The following FTO variants were observed in gnomAD, a reference collection of about 807,000 sequenced individuals.
The protein encoded by FTO is FTO alpha-ketoglutarate dependent dioxygenase.
Under a neutral mutation model 63.9 loss-of-function variants are expected in FTO, and 47 were observed. The ratio of observed to expected loss-of-function variants is 0.74; its 90% CI spans 0.58 to 0.94. FTO has a LOEUF of 0.94. FTO is among the 40% of genes least tolerant of loss of function. The pLI is 0.00. For missense variants in FTO, 562 were observed against 618.1 expected (o/e 0.91, Z 0.96); for synonymous variants, 207 against 224.4 (o/e 0.92, Z 0.69).
chr16:53,742,048 G>A (rs2076539870), intron 1 of FTO, among the ~76,000 whole-genome samples: 1 of 152,116 alleles, frequency 6.6e-6, no homozygotes, highest in African/African-American at 2.4e-5. Context: ...GGGAGAGTGG[G>A]GGGTAGGTTA....
At chr16:53,810,023 G>T (rs948056269) in intron 1 of FTO, 117 bp from the exon 2 acceptor site, 5 of 668,298 alleles carry the variant, frequency 7.5e-6, no homozygotes, top group Non-Finnish European at 1.1e-5. Context: ...ATCTCTAAAA[G>T]ATTATAAATT....
At chr16:53,921,726 G>A (rs964153300) in intron 7 of FTO, among the ~76,000 whole-genome samples, 1 of 152,084 alleles carries the variant, frequency 6.6e-6, no homozygotes, top group South Asian at 2.1e-4. Flanking sequence ...CTAGATTCAG[G>A]TAGTATTGCT....
intron 1 of FTO, among the ~76,000 whole-genome samples, chr16:53,740,907 A>G (rs1468000209): frequency 6.6e-6 from 1 of 152,256 alleles, no homozygotes; most frequent in Non-Finnish European, 1.5e-5. Flanking sequence ...TCCAAACAAC[A>G]TAATCACTCC....
chr16:54,052,872 G>A (rs1164359546), intron 8 of FTO, among the ~76,000 whole-genome samples: 3 of 152,044 alleles, frequency 2.0e-5, no homozygotes, highest in African/African-American at 7.2e-5. Flanking sequence ...GCTAATTTTT[G>A]TATTTTTTTA....
chr16:53,871,569 TTGTG>T (rs1357258989), intron 4 of FTO, among the ~76,000 whole-genome samples: 1 of 152,116 alleles, frequency 6.6e-6, no homozygotes, highest in Non-Finnish European at 1.5e-5. Context: ...CTCGCATATT[TTGTG>T]TGTGTGTATG....
At chr16:54,008,826 TAATAATAATAATAATAATAATAATA>T (rs1231423807) in intron 8 of FTO, among the ~76,000 whole-genome samples, 273 of 24,846 alleles carry the variant, frequency 0.011, no homozygotes, top group Non-Finnish European at 0.016. Flanking sequence ...ATAATAATAA[TAATAATAATAATAATAATAATAATA>T]ATAATAATAA....
intron 7 of FTO, among the ~76,000 whole-genome samples, chr16:53,910,695 T>C (rs2081666758): frequency 6.6e-6 from 1 of 152,128 alleles, no homozygotes; most frequent in Non-Finnish European, 1.5e-5. Context: ...ACCACCATGC[T>C]TGGCTAATTT....
At chr16:53,819,692 C>T (rs2078798591) in intron 2 of FTO, among the ~76,000 whole-genome samples, 1 of 151,686 alleles carries the variant, frequency 6.6e-6, no homozygotes, top group Admixed American at 6.6e-5. Context: ...TCTTCTTTTT[C>T]AAAAAGTTTA....
At chr16:53,938,594 A>G (rs1599038027) in intron 8 of FTO, among the ~76,000 whole-genome samples, 1 of 152,190 alleles carries the variant, frequency 6.6e-6, no homozygotes, top group South Asian at 2.1e-4. Context: ...GATGCTGTGC[A>G]TAATAGGGAG....
chr16:53,768,891 G>A (rs1246748052), intron 1 of FTO, among the ~76,000 whole-genome samples: 1 of 152,160 alleles, frequency 6.6e-6, no homozygotes, highest in African/African-American at 2.4e-5. Flanking sequence ...GTACATGACT[G>A]TTTATTTTGG....
intron 8 of FTO, among the ~76,000 whole-genome samples, chr16:54,051,282 G>A (rs888284048): frequency 1.1e-4 from 16 of 152,232 alleles, no homozygotes; most frequent in African/African-American, 3.9e-4. Context: ...ATGGCATCTA[G>A]TAAACAGGCC....
chr16:54,062,497 G>A (rs750730232), intron 8 of FTO, among the ~76,000 whole-genome samples: 4 of 152,162 alleles, frequency 2.6e-5, no homozygotes, highest in Non-Finnish European at 5.9e-5. Flanking sequence ...ACAAGAGCTT[G>A]GTGGCTTGCA....
chr16:53,906,842 T>A (rs2081551046), intron 7 of FTO, among the ~76,000 whole-genome samples: 1 of 152,220 alleles, frequency 6.6e-6, no homozygotes, highest in East Asian at 1.9e-4. Flanking sequence ...CCACTCCACA[T>A]CCAGGTCTTC....
intron 8 of FTO, among the ~76,000 whole-genome samples, chr16:54,015,490 A>G (rs1459957015): frequency 1.3e-5 from 2 of 152,118 alleles, no homozygotes; most frequent in African/African-American, 4.8e-5. Flanking sequence ...AACCAATAAA[A>G]AAATAAAGCT....
chr16:53,895,259 CT>C (rs1294593216), intron 7 of FTO, among the ~76,000 whole-genome samples: 1 of 151,690 alleles, frequency 6.6e-6, no homozygotes, highest in Non-Finnish European at 1.5e-5. Context: ...ATTTTTTTCC[CT>C]GAGTGTCTGT....
At chr16:54,110,154 G>T (rs183332237) in intron 8 of FTO, among the ~76,000 whole-genome samples, 41 of 152,304 alleles carry the variant, frequency 2.7e-4, no homozygotes, top group African/African-American at 7.2e-4. Context: ...ACAGCAAGCG[G>T]CATGGTCTCA....
chr16:53,830,649 C>T (rs1459073668), intron 3 of FTO, among the ~76,000 whole-genome samples: 1 of 152,186 alleles, frequency 6.6e-6, no homozygotes, highest in Non-Finnish European at 1.5e-5. Context: ...ACTGTAATCC[C>T]AGCACTTTGG....
At position 54,065,060 on chromosome 16, in the gene FTO, G is replaced by A. The variant is rs553499093; in HGVS notation, c.1365-46702G>A. On this transcript the variant is annotated intron_variant, in intron 8 of 8. Coordinates refer to ENST00000471389, the MANE Select transcript of FTO (RefSeq NM_001080432.3). ...TGGCCACTGTCAGGCACCAAGGCAC[G>A]TACCACTGAGGCTGGGGACAGCTGA... 4.6e-5 allele frequency among the ~76,000 whole-genome samples: 7 copies of A among 151,792 alleles called. No individual in the cohort carries two copies. In the South Asian group the frequency reaches 8.5e-4, roughly 18 times the overall value.
intron 4 of FTO, among the ~76,000 whole-genome samples, chr16:53,849,337 G>C (rs2079720027): frequency 6.6e-6 from 1 of 152,218 alleles, no homozygotes; most frequent in Non-Finnish European, 1.5e-5. Flanking sequence ...CTTGTGAAGA[G>C]TGGGAACTGG....
Sources: allele counts gnomAD v4.1 joint callset (sites outside exome capture counted in the v4.1 genomes callset), GRCh38; gene constraint gnomAD v4.1.1; transcripts MANE v1.5; gene names NCBI Gene and HGNC (gene_info 2026-07-23, HGNC 2026-07-21).